Variants in RORA observed in about 807,000 individuals in gnomAD.
RORA encodes the protein RAR related orphan receptor A.
In RORA, 7 loss-of-function variants were observed where a neutral mutation model predicts 69.5. The observed-to-expected ratio is 0.10, with a 90% CI of 0.06 to 0.19. The LOEUF is 0.19. RORA is among the 10% of genes least tolerant of loss of function. RORA has a pLI of 1.00. For missense variants in RORA, 457 were observed against 663.0 expected, an observed-to-expected ratio of 0.69 and a Z score of 3.41; for synonymous variants, 261 against 240.8, an observed-to-expected ratio of 1.08 and a Z score of -0.78.
intron 1 of RORA, among the ~76,000 whole-genome samples, chr15:61,197,657 C>G (rs1402364191): frequency 6.6e-6 from 1 of 152,190 alleles, no homozygotes; most frequent in East Asian, 1.9e-4. Context: ...TGGGAACCGT[C>G]AAGATGTCAA....
At chr15:60,684,273 CT>C (rs71429572) in intron 1 of RORA, among the ~76,000 whole-genome samples, 35,260 of 151,844 alleles carry the variant, frequency 0.23, 5,225 homozygotes, top group East Asian at 0.41. Context: ...GAGAAAACAA[CT>C]TTTGAGATAG....
intron 1 of RORA, among the ~76,000 whole-genome samples, chr15:61,068,234 C>A (rs1337453839): frequency 6.6e-6 from 1 of 152,168 alleles, no homozygotes; most frequent in East Asian, 1.9e-4. Context: ...CTTTGTATTT[C>A]TCTCTTAGAA....
intron 2 of RORA, among the ~76,000 whole-genome samples, chr15:60,646,249 T>C (rs1272735026): frequency 6.6e-6 from 1 of 152,242 alleles, no homozygotes; most frequent in Non-Finnish European, 1.5e-5. Flanking sequence ...GCCCAAATGC[T>C]CTTTTTCCTT....
At chr15:60,986,134 C>G (rs529858567) in intron 1 of RORA, among the ~76,000 whole-genome samples, 3 of 151,800 alleles carry the variant, frequency 2.0e-5, no homozygotes, top group Non-Finnish European at 4.4e-5. Context: ...CAACTGATTT[C>G]TTCTTTTTTT....
At chr15:60,872,438 A>G (rs1448271227) in intron 1 of RORA, among the ~76,000 whole-genome samples, 1 of 152,198 alleles carries the variant, frequency 6.6e-6, no homozygotes, top group African/African-American at 2.4e-5. Flanking sequence ...GAAGTGGGAC[A>G]GCAAGAGAAA....
intron 1 of RORA, among the ~76,000 whole-genome samples, chr15:60,692,137 A>G (rs1360699519): frequency 6.6e-6 from 1 of 152,240 alleles, no homozygotes; most frequent in Non-Finnish European, 1.5e-5. Flanking sequence ...TTTATAATAA[A>G]AAGTCAGCAT....
intron 1 of RORA, among the ~76,000 whole-genome samples, chr15:60,761,723 G>C (rs188452877): frequency 6.6e-4 from 101 of 152,208 alleles, no homozygotes; most frequent in African/African-American, 2.3e-3. Context: ...TAACCATTTA[G>C]GTATGCCTCT....
At chr15:61,039,744 CAAAAA>C (rs5813062) in intron 1 of RORA, among the ~76,000 whole-genome samples, 1 of 82,654 alleles carries the variant, frequency 1.2e-5, no homozygotes, top group Non-Finnish European at 2.5e-5. Context: ...GACTCTGTCT[CAAAAA>C]AAAAAAAAAA....
At position 60,561,113 on chromosome 15, in the gene RORA, GCT is replaced by G. The variant is rs1420121566; in HGVS notation, c.197-29264_197-29263del. Among the ~76,000 whole-genome samples the G allele has an allele frequency of 2.2e-5, 3 of 133,958 alleles. No homozygotes were observed. The East Asian group carries it at 6.3e-4, about 28-fold the overall frequency. 87.9% of individuals were successfully genotyped at this position (133,958 alleles called of 152,430 possible). A position where few individuals can be genotyped will look rare whatever the true frequency, so the allele number is the denominator to read the frequency against. ...TTTTTTGTTTTTGAGACGGAGTCTC[GCT>G]CTGTCGCCCAGGCTGGAGTGCAGTG... On this transcript the variant is annotated intron_variant, in intron 2 of 10. Transcript: ENST00000335670.
rs2080010619 is a variant in RORA at position 61,213,384 on chromosome 15, C to A, written c.166+15669G>T. Among the ~76,000 whole-genome samples, 1 of 152,144 alleles carries A rather than the reference C, an allele frequency of 6.6e-6. No individual in the cohort carries two copies. The highest frequency in any genetic ancestry group is 2.4e-5 in the African/African-American group (1 of 41,422). On this transcript the variant is annotated intron_variant, in intron 1 of 10. Transcript: ENST00000335670. This position sits in a 1 kb window ranked among gnomAD's most constrained non-coding sequence, Gnocchi z 4.1. ...CACATAAGTATATTTAAGTACCTTA[C>A]CAAAAAGAAATCAGGTATTTTTCAT...
At chr15:60,713,516 T>A (rs1277943508) in intron 1 of RORA, among the ~76,000 whole-genome samples, 1 of 152,102 alleles carries the variant, frequency 6.6e-6, no homozygotes, top group Non-Finnish European at 1.5e-5. Flanking sequence ...GAGGAAAAGA[T>A]CCAAAATTAA....
At chr15:60,803,302 G>C (rs1187226292) in intron 1 of RORA, among the ~76,000 whole-genome samples, 1 of 152,204 alleles carries the variant, frequency 6.6e-6, no homozygotes, top group African/African-American at 2.4e-5. Flanking sequence ...GAATGGTCCA[G>C]GCAAGGAAGA....
At chr15:60,513,464 A>G (rs1249827215) in intron 4 of RORA, among the ~76,000 whole-genome samples, 2 of 152,198 alleles carry the variant, frequency 1.3e-5, no homozygotes, top group African/African-American at 4.8e-5. Context: ...AATATTAACG[A>G]CAGTAATTAT....
At chr15:60,728,200 T>C (rs536981174) in intron 1 of RORA, among the ~76,000 whole-genome samples, 2 of 152,362 alleles carry the variant, frequency 1.3e-5, no homozygotes, top group African/African-American at 4.8e-5. Context: ...CTTTTTGCTT[T>C]TTTATTTATT....
chr15:61,116,943 G>A (rs151290936), intron 1 of RORA, among the ~76,000 whole-genome samples: 10 of 152,304 alleles, frequency 6.6e-5, no homozygotes, highest in African/African-American at 2.4e-4. Context: ...TTAAGGGAGT[G>A]ATTTCTTTCC....
intron 1 of RORA, among the ~76,000 whole-genome samples, chr15:60,728,823 A>G (rs935170543): frequency 2.7e-4 from 41 of 152,372 alleles, no homozygotes; most frequent in Middle Eastern, 3.4e-3. Flanking sequence ...ACATTTACAT[A>G]TAATTCAACT....
chr15:60,795,317 C>T (rs1279973153), intron 1 of RORA, among the ~76,000 whole-genome samples: 1 of 152,154 alleles, frequency 6.6e-6, no homozygotes, highest in Non-Finnish European at 1.5e-5. Flanking sequence ...CTGTGCTCAC[C>T]ACGAAACAAC....
In RORA at chr15:60,898,995, T is replaced by C. The variant is rs138859705; in HGVS notation, c.167-220309A>G. On this transcript the variant is annotated intron_variant, in intron 1 of 10. Transcript: ENST00000335670. ...TTCCAGAAAGCACCCAGCAAGTTAA[T>C]GCATTCATGCCACTGTAAACTAGCA... Among the ~76,000 whole-genome samples, 5 of 152,298 alleles carry C rather than the reference T, an allele frequency of 3.3e-5. No individual in the cohort carries two copies. In the East Asian group the frequency reaches 7.7e-4, roughly 24 times the overall value.
At chr15:60,524,592 AT>A (rs1161040355) in intron 3 of RORA, among the ~76,000 whole-genome samples, 2 of 152,172 alleles carry the variant, frequency 1.3e-5, no homozygotes, top group African/African-American at 4.8e-5. Flanking sequence ...AGAGTCCTGT[AT>A]TTATCCCCCT....
Sources: allele counts gnomAD v4.1 joint callset (sites outside exome capture counted in the v4.1 genomes callset), GRCh38; gene constraint gnomAD v4.1.1; non-coding constraint Gnocchi (gnomAD v3.1); transcripts MANE v1.5; gene names NCBI Gene and HGNC (gene_info 2026-07-23, HGNC 2026-07-21).